Variants in CRACD observed in about 807,000 individuals in gnomAD.
The protein encoded by CRACD is capping protein inhibiting regulator of actin dynamics, also known as capping protein-inhibiting regulator of actin dynamics.
A neutral mutation model predicts 106.8 loss-of-function variants in CRACD; 56 were observed. The ratio of observed to expected loss-of-function variants is 0.52; its 90% CI spans 0.42 to 0.66. The LOEUF (loss-of-function observed/expected upper bound fraction) is 0.66. Ranked by LOEUF, CRACD falls within the 30% of genes least tolerant of loss-of-function variation. The pLI is 0.00. For synonymous variants in CRACD, 754 were observed against 670.8 expected, an observed-to-expected ratio of 1.12 and a Z score of -1.92; for missense variants, 1,730 against 1,623.2, an observed-to-expected ratio of 1.07 and a Z score of -1.13.
rs1403886613 is a variant in CRACD, at chr4:56,329,881, G to C, written c.*2077G>C. 6.6e-6 allele frequency among the ~76,000 whole-genome samples: 1 copy of C among 152,116 alleles called. No individual in the cohort carries two copies. The highest frequency in any genetic ancestry group is 1.5e-5 in the Non-Finnish European group (1 of 68,024). On this transcript the variant is annotated 3_prime_UTR_variant, in exon 11 of 11. Coordinates refer to ENST00000682029, the MANE Select transcript of CRACD (RefSeq NM_001393381.1). Reference sequence around the variant, plus strand: ...AAAAAGTTGTAGATGTGTCAACTTTGTATTGGCTGGGATATCACTGTGCCC... The same window carrying C: ...AAAAAGTTGTAGATGTGTCAACTTTCTATTGGCTGGGATATCACTGTGCCC...
At position 56,316,338 on chromosome 4, in the gene CRACD, C is replaced by G; in HGVS notation, c.2836C>G (p.Pro946Ala). 6.2e-7 allele frequency: 1 copy of G among 1,614,060 alleles called. No individual in the cohort carries two copies. The highest frequency in any genetic ancestry group is 2.2e-5 in the East Asian group (1 of 44,874). ...PPPASSQTPAPEHDKAANKMP... is the reference protein window; with the variant it reads ...PPPASSQTPAAEHDKAANKMP... ...ACCGGCCAGCAGCCAGACCCCGGCT[C>G]CGGAGCACGACAAGGCAGCAAACAA... The change falls in exon 8 of 11, where the codon CCG (proline) becomes GCG (alanine). Residue 946 changes from proline (P) to alanine (A), a missense_variant. Physicochemically the swap from Pro to Ala is conservative, Grantham distance 27. Around this residue, in one of 5 missense-constraint regions of CRACD, gnomAD observed 1,620 missense variants for 1,481.6 expected, o/e 1.09. Coordinates refer to ENST00000682029, the MANE Select transcript of CRACD (RefSeq NM_001393381.1).
chr4:56,257,732 T>G (rs1284541150), intron 2 of CRACD, among the ~76,000 whole-genome samples: 1 of 152,104 alleles, frequency 6.6e-6, no homozygotes, highest in African/African-American at 2.4e-5. Flanking sequence ...GGTCTTTTTC[T>G]GATTCTGGAG....
chr4:56,091,580 C>T (rs559943444), intron 1 of CRACD, among the ~76,000 whole-genome samples: 2 of 152,190 alleles, frequency 1.3e-5, no homozygotes, highest in Admixed American at 1.3e-4. Context: ...TGCTATGTTT[C>T]AGGGGCTGTG....
chr4:56,326,235 C>T (rs1182364582), intron 10 of CRACD, among the ~76,000 whole-genome samples: 1 of 150,854 alleles, frequency 6.6e-6, no homozygotes, highest in Non-Finnish European at 1.5e-5. Flanking sequence ...TTGAAAACCA[C>T]TTTAGAATGC....
rs1286040660 is a variant in CRACD, at chr4:56,313,217, T to A, written c.375T>A (p.Ser125=). ...MEEKVAPVKP[S]RPKRHFSSAG... ...TACAGGTTGCTCCCGTTAAACCGTCTCGGCCAAAAAGGCACTTCTCTTCTG... is the reference window on the plus strand; with the variant it reads ...TACAGGTTGCTCCCGTTAAACCGTCACGGCCAAAAAGGCACTTCTCTTCTG... Residue 125 remains serine, a synonymous_variant, in exon 7 of 11, where the codon TCT becomes TCA. Coordinates refer to ENST00000682029, the MANE Select transcript of CRACD (RefSeq NM_001393381.1). 1.2e-6 allele frequency: 2 copies of A among 1,614,022 alleles called. No individual in the cohort carries two copies. The highest frequency in any genetic ancestry group is 1.7e-6 in the Non-Finnish European group (2 of 1,180,030).
intron 2 of CRACD, among the ~76,000 whole-genome samples, chr4:56,251,040 G>A (rs540456449): frequency 6.6e-6 from 1 of 152,100 alleles, no homozygotes; most frequent in Non-Finnish European, 1.5e-5. Context: ...ATGAAGGAGC[G>A]CAATATAGTG....
intron 3 of CRACD, among the ~76,000 whole-genome samples, chr4:56,281,349 G>C (rs2015194): frequency 0.47 from 71,255 of 151,822 alleles, 17,667 homozygotes; most frequent in African/African-American, 0.64. Flanking sequence ...CATCTTCCCA[G>C]CCCCGTCCAT....
chr4:56,065,945 C>G (rs1732452128), intron 1 of CRACD, among the ~76,000 whole-genome samples: 1 of 152,140 alleles, frequency 6.6e-6, no homozygotes, highest in Non-Finnish European at 1.5e-5. Context: ...CAATATGTGT[C>G]CTTTTGTATC....
intron 2 of CRACD, among the ~76,000 whole-genome samples, chr4:56,234,280 ACTGAC>A (rs1273839238): frequency 6.6e-6 from 1 of 152,112 alleles, no homozygotes; most frequent in Non-Finnish European, 1.5e-5. Context: ...CCTGGCAATC[ACTGAC>A]CTGTTTTCTG....
At chr4:56,292,860 A>G (rs1222316822) in intron 3 of CRACD, among the ~76,000 whole-genome samples, 3 of 152,176 alleles carry the variant, frequency 2.0e-5, no homozygotes, top group Non-Finnish European at 2.9e-5. Flanking sequence ...TGTGAAGTCT[A>G]ATTAAAAATT....
chr4:56,178,849 A>G (rs1185720623), intron 1 of CRACD, among the ~76,000 whole-genome samples: 1 of 152,188 alleles, frequency 6.6e-6, no homozygotes, highest in Non-Finnish European at 1.5e-5. Flanking sequence ...AAGCTCATTA[A>G]CCTAGTTAAT....
Position 56,324,167 on chromosome 4 carries a change from A to T in CRACD, c.3442A>T (p.Thr1148Ser), listed in dbSNP as rs199950634. Residue 1148 changes from threonine to serine, a missense_variant, in exon 10 of 11, where the codon ACT (threonine) becomes TCT (serine). Physicochemically the swap from Thr to Ser is moderately conservative, Grantham distance 58 (BLOSUM62 1). This residue lies in a region of CRACD where 89 missense variants were observed against 89.6 expected (regional missense o/e 0.99). Transcript: ENST00000682029. ...CAGAGCAGGTTCCCTGCACAAGTCC[A>T]CTGCTCTGCCAGAAGAGAAGAGGCC... Reference protein sequence around the residue: ...VSRAGSLHKSTALPEEKRPET... With the variant: ...VSRAGSLHKSSALPEEKRPET... 25 of 1,614,184 alleles carry T rather than the reference A, an allele frequency of 1.5e-5. No homozygotes were observed. The highest frequency in any genetic ancestry group is 2.0e-5 in the Non-Finnish European group (24 of 1,179,972).
intron 2 of CRACD, among the ~76,000 whole-genome samples, chr4:56,185,544 C>T (rs1162266226): frequency 1.3e-5 from 2 of 152,158 alleles, no homozygotes; most frequent in Non-Finnish European, 1.5e-5. Context: ...TGTCATTTTG[C>T]TGGGAGAGCT....
intron 2 of CRACD, among the ~76,000 whole-genome samples, chr4:56,201,883 AG>A (rs1737897451): frequency 6.6e-6 from 1 of 152,214 alleles, no homozygotes; most frequent in African/African-American, 2.4e-5. Context: ...AACTTTGCAG[AG>A]GTAAGAGCAT....
intron 1 of CRACD, among the ~76,000 whole-genome samples, chr4:56,076,831 A>C (rs1312844321): frequency 6.6e-6 from 1 of 152,202 alleles, no homozygotes; most frequent in African/African-American, 2.4e-5. Context: ...GTCATCGCTG[A>C]ATTTCCAGCA....
At chr4:56,193,243 C>T (rs1419489417) in intron 2 of CRACD, among the ~76,000 whole-genome samples, 1 of 152,072 alleles carries the variant, frequency 6.6e-6, no homozygotes, top group Non-Finnish European at 1.5e-5. Context: ...AAACCTGCCC[C>T]CATGACTCAC....
intron 2 of CRACD, among the ~76,000 whole-genome samples, chr4:56,181,439 C>G (rs555938618): frequency 1.1e-4 from 16 of 152,248 alleles, no homozygotes; most frequent in Middle Eastern, 6.8e-3. Context: ...AGATAGGTTG[C>G]CTTATTTTCT....
chr4:56,179,802 G>A (rs1736737166), intron 2 of CRACD, among the ~76,000 whole-genome samples: 1 of 152,084 alleles, frequency 6.6e-6, no homozygotes, highest in Non-Finnish European at 1.5e-5. Flanking sequence ...CGGATCACTT[G>A]AGGTCAGGAG....
intron 1 of CRACD, among the ~76,000 whole-genome samples, chr4:56,070,546 C>G (rs1732610125): frequency 6.6e-6 from 1 of 152,146 alleles, no homozygotes; most frequent in Admixed American, 6.5e-5. Context: ...CTCGGCCTCC[C>G]AAAATGCTGG....
Sources: gnomAD v4.1 joint callset for allele counts (sites outside exome capture counted in the v4.1 genomes callset) on GRCh38, gnomAD v4.1.1 for gene constraint, gnomAD v4.1.1 regional missense constraint, MANE v1.5 for transcripts, NCBI Gene and HGNC (gene_info 2026-07-23, HGNC 2026-07-21) for gene names.